Variants in ENPP3 observed in about 807,000 individuals in gnomAD.
ENPP3 encodes the protein ectonucleotide pyrophosphatase/phosphodiesterase family member 3.
Under a neutral mutation model 117.8 loss-of-function variants are expected in ENPP3, and 104 were observed. The observed-to-expected ratio is 0.88, with a 90% CI of 0.75 to 1.04. The LOEUF (loss-of-function observed/expected upper bound fraction) is 1.04. Ranked by LOEUF, ENPP3 falls within the 50% of genes least tolerant of loss-of-function variation. The pLI is 0.00. For missense variants in ENPP3, 1,026 were observed against 1,051.9 expected, an observed-to-expected ratio of 0.98 and a Z score of 0.34; for synonymous variants, 380 against 349.9, an observed-to-expected ratio of 1.09 and a Z score of -0.96.
At position 131,737,352 on chromosome 6, in the gene ENPP3, C is replaced by T. The variant is rs1207132904; in HGVS notation, c.2090-3C>T. The T allele has an allele frequency of 1.9e-6, 3 of 1,600,618 alleles. No homozygotes were observed. Among genetic ancestry groups the T allele is most frequent in the Non-Finnish European group, 2.6e-6 (3 of 1,170,052 alleles). Reference sequence around the variant, plus strand: ...GATCTAATAAGATCCATTTGTTTTGCAGCCAGCAATAGAACATCAGATAGC... The same window carrying T: ...GATCTAATAAGATCCATTTGTTTTGTAGCCAGCAATAGAACATCAGATAGC... On this transcript the variant is annotated splice_polypyrimidine_tract_variant and splice_region_variant and intron_variant, in intron 21 of 24. Coordinates refer to ENST00000357639, the MANE Select transcript of ENPP3 (RefSeq NM_005021.5).
At chr6:131,672,686 A>T (rs924148866) in intron 7 of ENPP3, among the ~76,000 whole-genome samples, 6 of 151,644 alleles carry the variant, frequency 4.0e-5, no homozygotes, top group African/African-American at 1.5e-4. Flanking sequence ...AATATATACC[A>T]TATATACATA....
Position 131,685,424 on chromosome 6 carries a change from ACTT to A in ENPP3, c.1187_1189del (p.Phe396del), listed in dbSNP as rs776995340. The A allele has an allele frequency of 3.1e-6, 5 of 1,613,384 alleles. No individual in the cohort carries two copies. Among genetic ancestry groups the A allele is most frequent in the East Asian group, 2.2e-5 (1 of 44,866 alleles). ...ATGACTGATTATTTTCCCAGAATAA[ACTT>A]CTTCTACATGTACGAAGGGCCTGCC... On this transcript the variant is annotated inframe_deletion, in exon 13 of 25. Transcript: ENST00000357639.
At chr6:131,659,314 G>A (rs1236317099) in intron 6 of ENPP3, among the ~76,000 whole-genome samples, 1 of 151,924 alleles carries the variant, frequency 6.6e-6, no homozygotes, top group Non-Finnish European at 1.5e-5. Flanking sequence ...AAAAGAAGTT[G>A]AGTACCCAAG....
chr6:131,733,852 C>T, intron 21 of ENPP3, 129 bp downstream of exon 21: 1 of 945,106 alleles, frequency 1.1e-6, no homozygotes, highest in Non-Finnish European at 1.6e-6. Context: ...GAGAGGCTTC[C>T]AGTGGTTGTG....
intron 22 of ENPP3, among the ~76,000 whole-genome samples, chr6:131,737,763 C>T (rs149260393): frequency 1.4e-3 from 206 of 152,228 alleles, no homozygotes; most frequent in Non-Finnish European, 1.8e-3. Context: ...TTTTAACACT[C>T]GCTGTCCCAT....
At position 131,637,396 on chromosome 6, in the gene ENPP3, G is replaced by C; in HGVS notation, c.12G>C (p.Thr4=). 1.3e-6 allele frequency: 2 copies of C among 1,595,774 alleles called. No homozygotes were observed. The highest frequency in any genetic ancestry group is 1.7e-6 in the Non-Finnish European group (2 of 1,171,164). Residue 4 remains threonine (T), a synonymous_variant, in exon 1 of 25, where the codon ACG becomes ACC. Transcript: ENST00000357639. ...CAGCTACCAGGACAATGGAATCTAC[G>C]TTGACTTTAGCAACGGAACAACCTG... MES[T]LTLATEQPVK...
chr6:131,686,909 T>G (rs761422104), intron 14 of ENPP3, among the ~76,000 whole-genome samples: 6 of 152,232 alleles, frequency 3.9e-5, no homozygotes, highest in Admixed American at 6.5e-5. Flanking sequence ...TTATCCAATA[T>G]ACCATTGTTG....
intron 12 of ENPP3, 81 bp from the exon 13 acceptor site, chr6:131,685,283 G>A (rs1779127529): frequency 8.4e-7 from 1 of 1,194,430 alleles, no homozygotes; most frequent in South Asian, 1.4e-5. Flanking sequence ...AACATAAAAT[G>A]TCTTCTATTT....
At chr6:131,733,450 A>G in intron 20 of ENPP3, 138 bp from the exon 21 acceptor site, 1 of 870,976 alleles carries the variant, frequency 1.1e-6, no homozygotes, top group South Asian at 2.3e-5. Flanking sequence ...ATCCATTCTC[A>G]TTGCTTGCGT....
intron 5 of ENPP3, among the ~76,000 whole-genome samples, chr6:131,655,494 T>A (rs1778366450): frequency 6.6e-6 from 1 of 152,092 alleles, no homozygotes; most frequent in Admixed American, 6.6e-5. Flanking sequence ...TAACACTCCC[T>A]CAAGTCATAG....
intron 6 of ENPP3, among the ~76,000 whole-genome samples, chr6:131,670,346 A>C (rs1167867748): frequency 6.6e-6 from 1 of 152,224 alleles, no homozygotes. Context: ...AAAGCAAACA[A>C]ACTGGCAGTG....
intron 9 of ENPP3, among the ~76,000 whole-genome samples, chr6:131,675,973 G>T (rs1484046223): frequency 2.0e-5 from 3 of 152,150 alleles, no homozygotes; most frequent in African/African-American, 7.2e-5. Context: ...CATGACCTCT[G>T]GTGTCCCCTT....
intron 3 of ENPP3, among the ~76,000 whole-genome samples, chr6:131,651,452 G>T (rs562772333): frequency 3.3e-5 from 5 of 152,244 alleles, no homozygotes; most frequent in Non-Finnish European, 5.9e-5. Flanking sequence ...TGTTTCAATG[G>T]AGTTTTACTA....
chr6:131,736,317 GA>G (rs1252398488), intron 21 of ENPP3, among the ~76,000 whole-genome samples: 1 of 152,218 alleles, frequency 6.6e-6, no homozygotes, highest in East Asian at 1.9e-4. Context: ...AATTTATAAA[GA>G]AAAGGGGTTT....
Position 131,671,294 on chromosome 6 carries a change from C to A in ENPP3, c.609C>A (p.Thr203=), listed in dbSNP as rs1778735142. Residue 203 remains threonine (T), a synonymous_variant, in exon 7 of 25, where the codon ACC becomes ACA. Coordinates refer to ENST00000357639, the MANE Select transcript of ENPP3 (RefSeq NM_005021.5). ...AATACATGAGAGCTATGTATCCTAC[C>A]AAAACCTTCCCAAATCATTACACCA... ...HSKYMRAMYP[T]KTFPNHYTIV... 6.2e-7 allele frequency: 1 copy of A among 1,607,088 alleles called. No homozygotes were observed. Among genetic ancestry groups the A allele is most frequent in the Non-Finnish European group, 8.5e-7 (1 of 1,173,640 alleles).
At chr6:131,656,038 C>T (rs891682737) in intron 5 of ENPP3, among the ~76,000 whole-genome samples, 1 of 152,206 alleles carries the variant, frequency 6.6e-6, no homozygotes, top group Non-Finnish European at 1.5e-5. Context: ...TCTTGCCAGA[C>T]ATTTATGCTA....
chr6:131,672,562 CCTAA>C (rs1181243624), intron 7 of ENPP3, among the ~76,000 whole-genome samples: 5 of 151,948 alleles, frequency 3.3e-5, no homozygotes, highest in Admixed American at 2.6e-4. Flanking sequence ...CTCTCAGGAA[CCTAA>C]CTCTCTATTT....
At chr6:131,652,491 A>G in intron 3 of ENPP3, 51 bp from the exon 4 acceptor site, 1 of 1,578,904 alleles carries the variant, frequency 6.3e-7, no homozygotes, top group Non-Finnish European at 8.7e-7. Context: ...AAATTTGTAT[A>G]TTTTATACTG....
intron 15 of ENPP3, among the ~76,000 whole-genome samples, chr6:131,701,651 C>T (rs1247796688): frequency 1.3e-5 from 2 of 149,040 alleles, no homozygotes; most frequent in South Asian, 2.1e-4. Flanking sequence ...GAGGCCGAGG[C>T]GGGCGGATTG....
Sources: allele counts gnomAD v4.1 joint callset (sites outside exome capture counted in the v4.1 genomes callset), GRCh38; gene constraint gnomAD v4.1.1; transcripts MANE v1.5; gene names NCBI Gene and HGNC (gene_info 2026-07-23, HGNC 2026-07-21).